The following CDH4 variants were observed in gnomAD, a reference collection of about 807,000 sequenced individuals.
CDH4 encodes cadherin-4.
A neutral mutation model predicts 86.0 loss-of-function variants in CDH4; 33 were observed. The observed-to-expected ratio is 0.38, with a 90% confidence interval of 0.29 to 0.51. CDH4 has a LOEUF of 0.51. Among genes scored for constraint, CDH4 ranks in the 20% least tolerant of loss-of-function variants. The probability of loss-of-function intolerance (pLI) is 0.86; values close to 1 mark genes in which losing one functional copy is unlikely to be tolerated. For synonymous variants in CDH4, 555 were observed against 549.4 expected (o/e 1.01, Z -0.14); for missense variants, 1,114 against 1,307.4 (o/e 0.85, Z 2.28).
chr20:61,851,658 G>C (rs944716029), intron 5 of CDH4, among the ~76,000 whole-genome samples: 1 of 152,198 alleles, frequency 6.6e-6, no homozygotes, highest in African/African-American at 2.4e-5. Flanking sequence ...CCAGCTCTGG[G>C]TGGAGAGGCC....
At chr20:61,618,145 C>T (rs1214943716) in intron 2 of CDH4, among the ~76,000 whole-genome samples, 1 of 152,128 alleles carries the variant, frequency 6.6e-6, no homozygotes, top group African/African-American at 2.4e-5. Context: ...TGAGAACAGA[C>T]TAATACAGGG....
At position 61,743,618 on chromosome 20, in the gene CDH4, G is replaced by A. The variant is rs775223229; in HGVS notation, c.225G>A (p.Met75Ile). The change falls in exon 3 of 16, where the codon ATG becomes ATA. Residue 75 changes from methionine to isoleucine, a missense_variant. Physicochemically the swap from Met to Ile is conservative, Grantham distance 10 (BLOSUM62 1). Coordinates refer to ENST00000614565, the MANE Select transcript of CDH4 (RefSeq NM_001794.5). ...TKGTQYETNS[M>I]DFKVGADGTV... ...GGACACAATATGAGACCAACAGCAT[G>A]GACTTCAAAGTTGGGGCAGATGGGA... The A allele has an allele frequency of 9.5e-6, 15 of 1,586,846 alleles. No homozygotes were observed. Among genetic ancestry groups the A allele is most frequent in the Non-Finnish European group, 1.2e-5 (14 of 1,165,876 alleles).
chr20:61,293,232 G>A (rs1568784923), intron 2 of CDH4, among the ~76,000 whole-genome samples: 1 of 152,196 alleles, frequency 6.6e-6, no homozygotes, highest in South Asian at 2.1e-4. Context: ...CCACATGCAC[G>A]TAGTGGGACT....
intron 2 of CDH4, among the ~76,000 whole-genome samples, chr20:61,595,911 C>T (rs1042731884): frequency 1.3e-5 from 2 of 152,362 alleles, no homozygotes; most frequent in South Asian, 4.1e-4. Context: ...AACCCTGCCT[C>T]ACATAACGTT....
intron 2 of CDH4, among the ~76,000 whole-genome samples, chr20:61,441,646 G>A (rs143890484): frequency 2.2e-3 from 330 of 152,310 alleles, no homozygotes; most frequent in African/African-American, 6.2e-3. Flanking sequence ...ACTCCAGAGA[G>A]CTGCCTGGCC....
chr20:61,663,435 C>T lies in CDH4; in HGVS notation c.170-80128C>T, dbSNP rs558535014. ...CCTAGAAAAAGAGCTGCGTAAAAGA[C>T]AATAATTCTGAAGGCTCTGGGTCGG... On this transcript the variant is annotated intron_variant, in intron 2 of 15. Transcript: ENST00000614565. The surrounding 1 kb of genome is among the most constrained non-coding windows in gnomAD (Gnocchi z 5.0). Among the ~76,000 whole-genome samples, 7 of 152,328 alleles carry T rather than the reference C, an allele frequency of 4.6e-5. No homozygotes were observed. In the East Asian group the frequency reaches 1.4e-3, roughly 29 times the overall value.
At chr20:61,687,839 A>T (rs760778146) in intron 2 of CDH4, among the ~76,000 whole-genome samples, 2 of 152,192 alleles carry the variant, frequency 1.3e-5, no homozygotes, top group Non-Finnish European at 2.9e-5. Flanking sequence ...AAATATTTCC[A>T]CTAAAAGGAC....
chr20:61,588,465 A>C (rs570499511), intron 2 of CDH4, among the ~76,000 whole-genome samples: 1 of 152,340 alleles, frequency 6.6e-6, no homozygotes, highest in South Asian at 2.1e-4. Context: ...AGAGAAAGAA[A>C]AAAAGAAAGA....
intron 2 of CDH4, among the ~76,000 whole-genome samples, chr20:61,648,469 G>A (rs1174768564): frequency 6.6e-6 from 1 of 152,194 alleles, no homozygotes; most frequent in Non-Finnish European, 1.5e-5. Flanking sequence ...GGCACACCCG[G>A]GTCCGCAGCT....
At chr20:61,866,017 G>T (rs375573413) in intron 6 of CDH4, among the ~76,000 whole-genome samples, 1 of 152,206 alleles carries the variant, frequency 6.6e-6, no homozygotes, top group Non-Finnish European at 1.5e-5. Flanking sequence ...GGGATCATAC[G>T]GTACCCTGTC....
intron 2 of CDH4, among the ~76,000 whole-genome samples, chr20:61,639,062 C>T (rs547425812): frequency 1.7e-4 from 26 of 152,316 alleles, no homozygotes; most frequent in African/African-American, 5.8e-4. Context: ...TGAATGAACA[C>T]GTGCATAAGT....
chr20:61,512,111 C>T lies in CDH4; in HGVS notation c.170-231452C>T, dbSNP rs2085784480. 2.0e-5 allele frequency among the ~76,000 whole-genome samples: 3 copies of T among 152,148 alleles called. No homozygotes were observed. In the South Asian group the frequency reaches 6.2e-4, roughly 32 times the overall value. On this transcript the variant is annotated intron_variant, in intron 2 of 15. Coordinates refer to ENST00000614565, the MANE Select transcript of CDH4 (RefSeq NM_001794.5). ...TGGGATGTGGTTGAGCTTGCTGGCTCTTAAGGATGCTGAGTAGTAAACTGG... is the reference window on the plus strand; with the variant it reads ...TGGGATGTGGTTGAGCTTGCTGGCTTTTAAGGATGCTGAGTAGTAAACTGG...
rs1401508840 is a variant in CDH4, at chr20:61,810,642, C to G, written c.577-34026C>G. On this transcript the variant is annotated intron_variant, in intron 4 of 15. Coordinates refer to ENST00000614565, the MANE Select transcript of CDH4 (RefSeq NM_001794.5). This position sits in a 1 kb window ranked among gnomAD's most constrained non-coding sequence, Gnocchi z 4.3. ...ACCACTACCAACACCTCCCAGCCCC[C>G]TAACAAGCCAGGAACCACTCCAGGG... Among the ~76,000 whole-genome samples the G allele has an allele frequency of 6.6e-6, 1 of 152,206 alleles. No homozygotes were observed. The highest frequency in any genetic ancestry group is 1.5e-5 in the Non-Finnish European group (1 of 68,034).
intron 2 of CDH4, among the ~76,000 whole-genome samples, chr20:61,398,970 C>T (rs1217013297): frequency 6.6e-6 from 1 of 152,142 alleles, no homozygotes; most frequent in African/African-American, 2.4e-5. Context: ...AGGTGTGATG[C>T]TGATGTAGGT....
At chr20:61,463,539 A>G (rs2085456569) in intron 2 of CDH4, among the ~76,000 whole-genome samples, 1 of 152,234 alleles carries the variant, frequency 6.6e-6, no homozygotes, top group Admixed American at 6.5e-5. Flanking sequence ...CCACTGCACC[A>G]TTGTGCAGGG....
chr20:61,656,806 G>A (rs575572411), intron 2 of CDH4, among the ~76,000 whole-genome samples: 3 of 152,294 alleles, frequency 2.0e-5, no homozygotes, highest in South Asian at 2.1e-4. Context: ...GTGTGGCTGC[G>A]GGCAAGTCCT....
At chr20:61,453,041 T>C (rs533256453) in intron 2 of CDH4, among the ~76,000 whole-genome samples, 1 of 152,088 alleles carries the variant, frequency 6.6e-6, no homozygotes, top group Non-Finnish European at 1.5e-5. Context: ...AAGCTTCTAT[T>C]AAGAAGCAAA....
chr20:61,886,866 T>C (rs1984565774), intron 7 of CDH4, among the ~76,000 whole-genome samples: 1 of 152,130 alleles, frequency 6.6e-6, no homozygotes, highest in Non-Finnish European at 1.5e-5. Context: ...TGCCAGACAC[T>C]TCTGAGAACA....
intron 2 of CDH4, among the ~76,000 whole-genome samples, chr20:61,733,184 G>C (rs948019301): frequency 3.9e-5 from 6 of 152,264 alleles, no homozygotes; most frequent in African/African-American, 1.4e-4. Flanking sequence ...TACCGCTGCT[G>C]ATGTCGTTTA....
Sources: gnomAD v4.1 joint callset for allele counts (sites outside exome capture counted in the v4.1 genomes callset) on GRCh38, gnomAD v4.1.1 for gene constraint, Gnocchi (gnomAD v3.1) non-coding constraint, MANE v1.5 for transcripts, NCBI Gene and HGNC (gene_info 2026-07-23, HGNC 2026-07-21) for gene names.